PATJ: variants seen among roughly 807,000 people sequenced by gnomAD.
PATJ encodes PATJ crumbs cell polarity complex component.
Under a neutral mutation model 224.9 loss-of-function variants are expected in PATJ, and 190 were observed. The ratio of observed to expected loss-of-function variants is 0.84; its 90% CI spans 0.75 to 0.95. PATJ has a LOEUF of 0.95. Ranked by LOEUF, PATJ falls within the 40% of genes least tolerant of loss-of-function variation. The pLI is 0.00. For missense variants in PATJ, 2,121 were observed against 2,270.3 expected (o/e 0.93, Z 1.34); for synonymous variants, 769 against 820.3 (o/e 0.94, Z 1.07).
chr1:61,765,996 A>G (rs1415471384), intron 3 of PATJ, among the ~76,000 whole-genome samples: 2 of 152,224 alleles, frequency 1.3e-5, no homozygotes, highest in African/African-American at 2.4e-5. Context: ...GCATCTGTAT[A>G]TGTGAAGTGT....
intron 17 of PATJ, among the ~76,000 whole-genome samples, 156 bp downstream of exon 17, chr1:61,833,941 G>A (rs1370149508): frequency 6.6e-6 from 1 of 152,164 alleles, no homozygotes; most frequent in African/African-American, 2.4e-5. Context: ...TTTAAAATTA[G>A]TAGCTCCCTT....
intron 27 of PATJ, among the ~76,000 whole-genome samples, chr1:61,953,037 G>C (rs1679943871): frequency 6.6e-6 from 1 of 152,140 alleles, no homozygotes. Flanking sequence ...ATTCGTTAGG[G>C]GTGGGGGCTC....
intron 12 of PATJ, among the ~76,000 whole-genome samples, chr1:61,803,405 T>TA (rs550464413): frequency 8.0e-4 from 122 of 152,202 alleles, no homozygotes; most frequent in Non-Finnish European, 1.4e-3. Flanking sequence ...TACTTCTTGA[T>TA]ACTTAAGACT....
intron 28 of PATJ, among the ~76,000 whole-genome samples, chr1:62,005,900 G>A (rs1214262555): frequency 6.6e-6 from 1 of 152,100 alleles, no homozygotes; most frequent in East Asian, 1.9e-4. Context: ...TAATAAAATT[G>A]TGGGTGGGGT....
At chr1:62,057,995 T>C (rs979409080) in intron 31 of PATJ, among the ~76,000 whole-genome samples, 6 of 152,240 alleles carry the variant, frequency 3.9e-5, no homozygotes, top group African/African-American at 1.4e-4. Flanking sequence ...AAGAACTCTT[T>C]AGATTTTTCA....
At position 62,136,051 on chromosome 1, in the gene PATJ, G is replaced by C. The variant is rs1325516519; in HGVS notation, c.5271+7106G>C. ...TTTTTTTTTTTTTTTTTTTGAGACA[G>C]AGTTTCGCTCTTGTTACCCAGACTG... On this transcript the variant is annotated intron_variant, in intron 41 of 43. Coordinates refer to ENST00000642238, the MANE Select transcript of PATJ (RefSeq NM_001350145.3). Among the ~76,000 whole-genome samples, 7 of 91,586 alleles carry C rather than the reference G, an allele frequency of 7.6e-5. No homozygotes were observed. The East Asian group carries it at 1.5e-3, about 19-fold the overall frequency. The allele number at this position is 91,586 out of a possible 152,430, so 60.1% of individuals were successfully genotyped here.
chr1:61,808,645 C>T, intron 14 of PATJ, 115 bp downstream of exon 14: 1 of 619,048 alleles, frequency 1.6e-6, no homozygotes. Context: ...CCCGTGTTTC[C>T]CTCCCAAAGT....
chr1:62,099,650 C>T (rs968489207), intron 33 of PATJ, among the ~76,000 whole-genome samples: 31 of 152,000 alleles, frequency 2.0e-4, no homozygotes, highest in African/African-American at 7.2e-4. Context: ...GTAATTAAGC[C>T]GTGTATTCAT....
At chr1:61,894,266 A>C (rs74682949) in intron 22 of PATJ, among the ~76,000 whole-genome samples, 21,058 of 140,524 alleles carry the variant, frequency 0.15, 1,867 homozygotes, top group East Asian at 0.25. Flanking sequence ...TAAAAAAAAA[A>C]AAACACAAAA....
intron 27 of PATJ, among the ~76,000 whole-genome samples, chr1:61,975,849 G>A (rs1644103076): frequency 6.6e-6 from 1 of 152,046 alleles, no homozygotes; most frequent in Non-Finnish European, 1.5e-5. Context: ...TCACCTGCTT[G>A]TGTTTCACTC....
At chr1:61,988,006 C>G (rs796556301) in intron 27 of PATJ, among the ~76,000 whole-genome samples, 14 of 152,240 alleles carry the variant, frequency 9.2e-5, no homozygotes, top group African/African-American at 3.4e-4. Context: ...TGAGACCAGC[C>G]TGGGCTGCAT....
intron 13 of PATJ, among the ~76,000 whole-genome samples, 166 bp from the exon 14 acceptor site, chr1:61,808,308 T>C (rs1653990807): frequency 6.6e-6 from 1 of 152,204 alleles, no homozygotes; most frequent in African/African-American, 2.4e-5. Flanking sequence ...AAATATACTC[T>C]GAAATTTCAC....
chr1:61,818,840 A>G (rs1270226897), intron 14 of PATJ, among the ~76,000 whole-genome samples: 3 of 152,142 alleles, frequency 2.0e-5, no homozygotes, highest in African/African-American at 4.8e-5. Flanking sequence ...CAGCTGTTCC[A>G]TGGAGGTGGG....
intron 28 of PATJ, among the ~76,000 whole-genome samples, chr1:61,999,500 T>G (rs1013638503): frequency 6.6e-6 from 1 of 152,016 alleles, no homozygotes; most frequent in Admixed American, 6.6e-5. Flanking sequence ...AAACCCCATC[T>G]CTACTAAAAA....
chr1:62,090,986 T>G (rs1660662997), intron 33 of PATJ, among the ~76,000 whole-genome samples: 1 of 152,204 alleles, frequency 6.6e-6, no homozygotes, highest in Non-Finnish European at 1.5e-5. Flanking sequence ...CAGAACTAAA[T>G]CCTTTATCTT....
At chr1:61,977,079 T>G (rs1315403282) in intron 27 of PATJ, among the ~76,000 whole-genome samples, 1 of 152,042 alleles carries the variant, frequency 6.6e-6, no homozygotes, top group African/African-American at 2.4e-5. Context: ...CATGATAGTA[T>G]TTTTTGTTTG....
At chr1:61,921,347 A>G (rs1674306931) in intron 26 of PATJ, among the ~76,000 whole-genome samples, 1 of 152,228 alleles carries the variant, frequency 6.6e-6, no homozygotes, top group Non-Finnish European at 1.5e-5. Flanking sequence ...ACTGTCTTTC[A>G]GTTCAGATTT....
chr1:62,080,956 A>G lies in PATJ; in HGVS notation c.4243+1389A>G, dbSNP rs186054664. 9.2e-5 allele frequency among the ~76,000 whole-genome samples: 14 copies of G among 152,322 alleles called. No individual in the cohort carries two copies. In the East Asian group the frequency reaches 2.5e-3, roughly 27 times the overall value. On this transcript the variant is annotated intron_variant, in intron 32 of 43. Coordinates refer to ENST00000642238, the MANE Select transcript of PATJ (RefSeq NM_001350145.3). ...CTTTTTAAAGGTTGAAAAAACACCTAAGAAAATTTTATTAAAATATTCTAT... is the reference window on the plus strand; with the variant it reads ...CTTTTTAAAGGTTGAAAAAACACCTGAGAAAATTTTATTAAAATATTCTAT...
At chr1:61,844,518 T>C (rs1358228191) in intron 17 of PATJ, among the ~76,000 whole-genome samples, 4 of 152,238 alleles carry the variant, frequency 2.6e-5, no homozygotes, top group African/African-American at 9.6e-5. Context: ...AACTGCAGTC[T>C]GAAAATATTA....
Sources: allele counts gnomAD v4.1 joint callset (sites outside exome capture counted in the v4.1 genomes callset), GRCh38; gene constraint gnomAD v4.1.1; transcripts MANE v1.5; gene names NCBI Gene and HGNC (gene_info 2026-07-23, HGNC 2026-07-21).